The following ASCC1 variants were observed in gnomAD, a reference collection of about 807,000 sequenced individuals.
The protein encoded by ASCC1 is ASC-1 complex subunit P50.
In ASCC1, 35 loss-of-function variants were observed where a neutral mutation model predicts 46.6. That is an observed-to-expected ratio of 0.75 (90% CI 0.57 to 0.99). The LOEUF (loss-of-function observed/expected upper bound fraction) is 0.99, where lower values mean the gene tolerates loss of function less well. Among genes scored for constraint, ASCC1 ranks in the 50% least tolerant of loss-of-function variants. The pLI, the probability that ASCC1 is intolerant of heterozygous loss-of-function variation, is 0.00. For synonymous variants in ASCC1, 143 were observed against 146.6 expected (o/e 0.98, Z 0.18); for missense variants, 376 against 428.7 (o/e 0.88, Z 1.09).
Position 72,096,244 on chromosome 10 carries a change from TG to T in ASCC1, c.*1089del. The T allele has an allele frequency of 2.2e-6, 1 of 453,948 alleles. No homozygotes were observed. The highest frequency in any genetic ancestry group is 1.6e-5 in the South Asian group (1 of 64,448). 28.1% of individuals were successfully genotyped at this position (453,948 alleles called of 1,614,324 possible). On this transcript the variant is annotated 3_prime_UTR_variant, in exon 10 of 10. Transcript: ENST00000672957. ...ATGTGAGGAGGCAGGGGTGGGAGGC[TG>T]GGGCTCCCCAGCATTCCCGCCTCCC...
intron 9 of ASCC1, among the ~76,000 whole-genome samples, chr10:72,116,108 A>T (rs895918892): frequency 5.3e-5 from 8 of 152,182 alleles, no homozygotes; most frequent in Admixed American, 4.6e-4. Flanking sequence ...TGTCCTACTA[A>T]GCTCCTAAGT....
chr10:72,172,610 C>T (rs1162676557), intron 5 of ASCC1, among the ~76,000 whole-genome samples: 4 of 145,896 alleles, frequency 2.7e-5, no homozygotes, highest in South Asian at 2.1e-4. Context: ...TCTCCCAAAG[C>T]GCTGGGATTA....
chr10:72,179,540 C>A (rs1852297795), intron 5 of ASCC1, among the ~76,000 whole-genome samples: 1 of 152,180 alleles, frequency 6.6e-6, no homozygotes, highest in African/African-American at 2.4e-5. Context: ...TGGATTAGAG[C>A]AGATGCTAGA....
intron 9 of ASCC1, 67 bp from the exon 10 acceptor site, chr10:72,097,517 T>C (rs1841223297): frequency 2.0e-6 from 2 of 992,290 alleles, no homozygotes. Context: ...AAACATCAGA[T>C]TATCTTGTAA....
intron 5 of ASCC1, among the ~76,000 whole-genome samples, chr10:72,186,191 G>A (rs755175624): frequency 2.0e-5 from 3 of 151,032 alleles, no homozygotes; most frequent in Non-Finnish European, 4.4e-5. Flanking sequence ...TAGAGACAAT[G>A]TCTTACTACA....
intron 5 of ASCC1, among the ~76,000 whole-genome samples, chr10:72,177,275 C>T (rs1417456516): frequency 6.6e-6 from 1 of 152,126 alleles, no homozygotes; most frequent in African/African-American, 2.4e-5. Flanking sequence ...GGGCTTTTTA[C>T]AATTTTCCTT....
At chr10:72,115,888 C>T (rs1035000550) in intron 9 of ASCC1, among the ~76,000 whole-genome samples, 1 of 152,142 alleles carries the variant, frequency 6.6e-6, no homozygotes. Flanking sequence ...TAGTAAATTG[C>T]TCTAATATGA....
chr10:72,142,857 T>G (rs1050349713), intron 7 of ASCC1, among the ~76,000 whole-genome samples: 1 of 152,116 alleles, frequency 6.6e-6, no homozygotes, highest in Admixed American at 6.6e-5. Flanking sequence ...TATTTATAAT[T>G]TCCTGCAAAA....
At chr10:72,099,425 G>A (rs1841459183) in intron 9 of ASCC1, among the ~76,000 whole-genome samples, 2 of 152,074 alleles carry the variant, frequency 1.3e-5, no homozygotes. Flanking sequence ...GATTCTAAAC[G>A]TATGCCCAGA....
chr10:72,096,642 A>G lies in ASCC1; in HGVS notation c.*692T>C. The G allele has an allele frequency of 2.2e-6, 1 of 454,146 alleles. No homozygotes were observed. Among genetic ancestry groups the G allele is most frequent in the Non-Finnish European group, 4.4e-6 (1 of 226,790 alleles). The allele number at this position is 454,146 out of a possible 1,614,324, so 28.1% of individuals were successfully genotyped here. ...CGTGTCTGTATTAGCACTACTCCCAATAGTCAAGAGGAAGCAAGCCAAGTG... is the reference window on the plus strand; with the variant it reads ...CGTGTCTGTATTAGCACTACTCCCAGTAGTCAAGAGGAAGCAAGCCAAGTG... On this transcript the variant is annotated 3_prime_UTR_variant, in exon 10 of 10. Transcript: ENST00000672957.
intron 7 of ASCC1, among the ~76,000 whole-genome samples, chr10:72,152,184 T>G (rs1297366434): frequency 4.6e-5 from 7 of 150,618 alleles, no homozygotes; most frequent in African/African-American, 1.5e-4. Context: ...TTTTTTTTTT[T>G]TGTTTTTTGT....
intron 5 of ASCC1, among the ~76,000 whole-genome samples, chr10:72,174,524 G>A (rs1409557134): frequency 6.6e-6 from 1 of 152,128 alleles, no homozygotes; most frequent in Non-Finnish European, 1.5e-5. Flanking sequence ...CCTCTCTCCA[G>A]ACATAGACCT....
intron 5 of ASCC1, among the ~76,000 whole-genome samples, chr10:72,188,307 T>TG (rs1157982072): frequency 1.3e-5 from 2 of 151,500 alleles, no homozygotes; most frequent in Non-Finnish European, 2.9e-5. Flanking sequence ...TTAGTAGAGA[T>TG]GGGGTTTCAC....
At chr10:72,101,227 A>C (rs1042092124) in intron 9 of ASCC1, among the ~76,000 whole-genome samples, 13 of 152,194 alleles carry the variant, frequency 8.5e-5, no homozygotes, top group African/African-American at 3.1e-4. Context: ...TGTCCATCTT[A>C]TGAAAAGTCA....
intron 1 of ASCC1, chr10:72,215,633 C>G (rs1268133170): frequency 6.6e-6 from 1 of 152,124 alleles, no homozygotes; most frequent in African/African-American, 2.4e-5. Flanking sequence ...CCCACAAAAA[C>G]AGACTAAGAT....
At chr10:72,195,523 A>G (rs1307132631) in intron 5 of ASCC1, among the ~76,000 whole-genome samples, 1 of 151,972 alleles carries the variant, frequency 6.6e-6, no homozygotes, top group African/African-American at 2.4e-5. Context: ...AAACTAGAAT[A>G]TAAGATTATA....
intron 9 of ASCC1, among the ~76,000 whole-genome samples, chr10:72,119,719 GAA>G (rs201739999): frequency 7.1e-6 from 1 of 140,502 alleles, no homozygotes; most frequent in Admixed American, 7.1e-5. Flanking sequence ...ATAGTAAAAG[GAA>G]AAAAAAAAAA....
At chr10:72,177,675 G>C (rs1435111640) in intron 5 of ASCC1, among the ~76,000 whole-genome samples, 1 of 152,130 alleles carries the variant, frequency 6.6e-6, no homozygotes, top group Non-Finnish European at 1.5e-5. Context: ...CTTTCTACTG[G>C]ACCCTGCTGT....
intron 9 of ASCC1, chr10:72,102,996 C>G (rs777777775): frequency 7.4e-5 from 33 of 447,420 alleles, no homozygotes; most frequent in Non-Finnish European, 1.4e-4. Context: ...AAAAAAAGAT[C>G]AAAGTGAACT....
Sources: gnomAD v4.1 joint callset for allele counts (sites outside exome capture counted in the v4.1 genomes callset) on GRCh38, gnomAD v4.1.1 for gene constraint, MANE v1.5 for transcripts, NCBI Gene and HGNC (gene_info 2026-07-23, HGNC 2026-07-21) for gene names.